The following PRKG1 variants were observed in gnomAD, a reference collection of about 807,000 sequenced individuals.
PRKG1 encodes cGMP-dependent protein kinase 1.
In PRKG1, 35 loss-of-function variants were observed where a neutral mutation model predicts 88.1. That is an observed-to-expected ratio of 0.40 (90% CI 0.30 to 0.53). The LOEUF (loss-of-function observed/expected upper bound fraction) is 0.53, where lower values mean the gene tolerates loss of function less well. Ranked by LOEUF, PRKG1 falls within the 20% of genes least tolerant of loss-of-function variation. The probability of loss-of-function intolerance (pLI) is 0.59; values close to 1 mark genes in which losing one functional copy is unlikely to be tolerated. For missense variants in PRKG1, 540 were observed against 839.8 expected, an observed-to-expected ratio of 0.64 and a Z score of 4.41; for synonymous variants, 303 against 292.5, an observed-to-expected ratio of 1.04 and a Z score of -0.37.
At chr10:52,229,409 C>G (rs1840470938) in intron 9 of PRKG1, among the ~76,000 whole-genome samples, 1 of 152,156 alleles carries the variant, frequency 6.6e-6, no homozygotes, top group African/African-American at 2.4e-5. Flanking sequence ...TGGAACATGG[C>G]CAGGTCTTTT....
intron 2 of PRKG1, among the ~76,000 whole-genome samples, chr10:51,329,751 T>C (rs951089389): frequency 6.6e-6 from 1 of 152,106 alleles, no homozygotes; most frequent in African/African-American, 2.4e-5. Context: ...GTTTGTTAGT[T>C]TTAACAATTT....
chr10:51,153,095 C>G, intron 1 of PRKG1, 69 bp from the exon 2 acceptor site: 1 of 1,461,822 alleles, frequency 6.8e-7, no homozygotes, highest in Non-Finnish European at 9.3e-7. Context: ...CTCTATGGCG[C>G]TGCTAAACCT....
chr10:51,670,733 C>A (rs1840543540), intron 3 of PRKG1, among the ~76,000 whole-genome samples: 2 of 128,816 alleles, frequency 1.6e-5, no homozygotes. Flanking sequence ...GAGACTCCGT[C>A]TCAAAAAAAA....
intron 5 of PRKG1, among the ~76,000 whole-genome samples, chr10:51,924,223 G>T (rs1283160722): frequency 1.3e-5 from 2 of 152,042 alleles, no homozygotes; most frequent in East Asian, 1.9e-4. Flanking sequence ...TGTAAAGCAG[G>T]TCTACTGTTA....
intron 5 of PRKG1, among the ~76,000 whole-genome samples, chr10:51,970,249 G>A (rs1024377886): frequency 2.6e-5 from 4 of 151,640 alleles, no homozygotes; most frequent in African/African-American, 4.8e-5. Flanking sequence ...CCTTTAATAC[G>A]TTTAACTTTT....
At chr10:51,277,749 C>T (rs1209797877) in intron 2 of PRKG1, among the ~76,000 whole-genome samples, 1 of 152,186 alleles carries the variant, frequency 6.6e-6, no homozygotes, top group African/African-American at 2.4e-5. Flanking sequence ...CAAGATTTGG[C>T]TCTCTGCCTG....
rs61273921 is a variant in PRKG1, at chr10:51,858,401, T to A, written c.699-49106T>A. ...TAAAATATATATATAATATATATAA[T>A]ATATATAAAATATATATATAATATA... is the stretch of plus-strand genomic sequence containing the variant. On this transcript the variant is annotated intron_variant, in intron 4 of 17. Transcript: ENST00000373980. 4.3e-3 allele frequency among the ~76,000 whole-genome samples: 210 copies of A among 49,356 alleles called. 37 individuals carry two copies. Among genetic ancestry groups the A allele is most frequent in the Middle Eastern group, 8.9e-3 (1 of 112 alleles). 32.4% of individuals were successfully genotyped at this position (49,356 alleles called of 152,430 possible).
At chr10:51,934,839 G>A (rs970114917) in intron 5 of PRKG1, among the ~76,000 whole-genome samples, 2 of 152,154 alleles carry the variant, frequency 1.3e-5, no homozygotes, top group Non-Finnish European at 2.9e-5. Flanking sequence ...TTTTGTCACA[G>A]AGAAATTGAG....
chr10:51,764,781 TTGA>T lies in PRKG1; in HGVS notation c.593-39799_593-39797del, dbSNP rs1280742142. Among the ~76,000 whole-genome samples, 4 of 152,334 alleles carry T rather than the reference TTGA, an allele frequency of 2.6e-5. No individual in the cohort carries two copies. The South Asian group carries it at 6.2e-4, about 24-fold the overall frequency. The stretch of plus-strand genomic sequence containing the variant: ...AGGTGTTGAAACCCTAACTCCTAAG[TTGA>T]TGATATTATGAAGTGGAACCTTTGG... On this transcript the variant is annotated intron_variant, in intron 3 of 17. Transcript: ENST00000373980.
At chr10:51,061,060 G>GGTGTGTGTGTGTGTGTGTGT (rs71029344) in intron 1 of PRKG1, among the ~76,000 whole-genome samples, 3,204 of 147,116 alleles carry the variant, frequency 0.022, 50 homozygotes, top group African/African-American at 0.039. Context: ...TATACCTAGG[G>GGTGTGTGTGTGTGTGTGTGT]GTGTGTGTGT....
At chr10:51,127,551 G>A (rs962883269) in intron 1 of PRKG1, among the ~76,000 whole-genome samples, 2 of 152,154 alleles carry the variant, frequency 1.3e-5, no homozygotes, top group Non-Finnish European at 2.9e-5. Context: ...ACTGTGTGGT[G>A]ATTCCTCAAG....
At chr10:51,968,401 G>A (rs559376225) in intron 5 of PRKG1, among the ~76,000 whole-genome samples, 21 of 152,240 alleles carry the variant, frequency 1.4e-4, no homozygotes, top group Non-Finnish European at 3.1e-4. Context: ...TGGGAGGAAT[G>A]GGGGAGAAGA....
intron 8 of PRKG1, among the ~76,000 whole-genome samples, chr10:52,139,521 A>C (rs766484714): frequency 2.8e-4 from 42 of 152,176 alleles, no homozygotes; most frequent in Non-Finnish European, 4.7e-4. Flanking sequence ...CCAGGGGCAA[A>C]GAAACAGAAA....
intron 2 of PRKG1, among the ~76,000 whole-genome samples, chr10:51,315,719 AG>A (rs1161523803): frequency 6.6e-6 from 1 of 152,240 alleles, no homozygotes; most frequent in East Asian, 1.9e-4. Flanking sequence ...ACTGTCCTAG[AG>A]GTTTTGCATA....
chr10:51,760,774 A>G (rs61849972), intron 3 of PRKG1, among the ~76,000 whole-genome samples: 61,756 of 151,948 alleles, frequency 0.41, 13,147 homozygotes, highest in Middle Eastern at 0.56. Context: ...GCCTGGCCAG[A>G]ACTTTTCAAA....
chr10:51,132,543 G>A (rs1175910512), intron 1 of PRKG1, among the ~76,000 whole-genome samples: 1 of 151,356 alleles, frequency 6.6e-6, no homozygotes, highest in East Asian at 1.9e-4. Flanking sequence ...TTTTTTTGAA[G>A]ACACTTTATT....
intron 3 of PRKG1, among the ~76,000 whole-genome samples, chr10:51,744,694 C>G (rs544522703): frequency 1.2e-4 from 19 of 152,244 alleles, no homozygotes; most frequent in Admixed American, 4.6e-4. Flanking sequence ...TTTAAGGCTG[C>G]TGCTTACTGG....
intron 3 of PRKG1, among the ~76,000 whole-genome samples, chr10:51,686,978 T>C (rs1841011272): frequency 6.6e-6 from 1 of 152,034 alleles, no homozygotes; most frequent in Non-Finnish European, 1.5e-5. Context: ...CCCAAGTAAT[T>C]TGCCCACCTC....
chr10:51,040,998 G>C (rs1843413147), intron 1 of PRKG1, among the ~76,000 whole-genome samples: 1 of 151,908 alleles, frequency 6.6e-6, no homozygotes, highest in South Asian at 2.1e-4. Flanking sequence ...GGTTGCTCTA[G>C]CTAGGACTTC....
Sources: allele counts gnomAD v4.1 joint callset (sites outside exome capture counted in the v4.1 genomes callset), GRCh38; gene constraint gnomAD v4.1.1; transcripts MANE v1.5; gene names NCBI Gene and HGNC (gene_info 2026-07-23, HGNC 2026-07-21).